Variants in KIF20B observed in about 807,000 individuals in gnomAD.
KIF20B encodes kinesin family member 20B.
In KIF20B, 188 loss-of-function variants were observed where a neutral mutation model predicts 232.5. The observed-to-expected ratio is 0.81, with a 90% CI of 0.72 to 0.91. The LOEUF is 0.91. Among genes scored for constraint, KIF20B ranks in the 40% least tolerant of loss-of-function variants. KIF20B has a pLI of 0.00. For missense variants in KIF20B, 2,154 were observed against 2,055.9 expected (o/e 1.05, Z -0.92); for synonymous variants, 712 against 683.0 (o/e 1.04, Z -0.66).
chr10:89,728,062 C>G (rs947241070), intron 17 of KIF20B, among the ~76,000 whole-genome samples, 166 bp downstream of exon 17: 11 of 151,990 alleles, frequency 7.2e-5, no homozygotes, highest in African/African-American at 2.7e-4. Context: ...TCTTCTTTGG[C>G]TTGAGTCTTC....
At chr10:89,716,144 CTT>C (rs912980494) in intron 8 of KIF20B, among the ~76,000 whole-genome samples, 12 of 152,250 alleles carry the variant, frequency 7.9e-5, no homozygotes, top group Middle Eastern at 3.4e-3. Flanking sequence ...CTTTGCCACT[CTT>C]TTTTTCCCTG....
chr10:89,739,812 A>G (rs1841754326), intron 21 of KIF20B, among the ~76,000 whole-genome samples: 1 of 152,144 alleles, frequency 6.6e-6, no homozygotes, highest in African/African-American at 2.4e-5. Context: ...AATATAATTT[A>G]ACCATATTTT....
At position 89,748,003 on chromosome 10, in the gene KIF20B, T is replaced by C. The variant is rs184063675; in HGVS notation, c.4096+2044T>C. Among the ~76,000 whole-genome samples the C allele has an allele frequency of 4.7e-4, 72 of 152,346 alleles. No individual in the cohort carries two copies. The South Asian group carries it at 7.5e-3, about 16-fold the overall frequency. ...TTGTATTGATTTGTTGTTTGAAATA[T>C]TACAAAATTACTTTTTTCTTTTTGA... On this transcript the variant is annotated intron_variant, in intron 23 of 32. Transcript: ENST00000371728.
intron 13 of KIF20B, among the ~76,000 whole-genome samples, chr10:89,722,417 C>T (rs1276475190): frequency 2.0e-5 from 3 of 152,164 alleles, no homozygotes; most frequent in African/African-American, 7.2e-5. Context: ...TGCCTGTAAT[C>T]CCAGCACTTT....
At chr10:89,714,144 C>G in intron 7 of KIF20B, 61 bp downstream of exon 7, 1 of 968,814 alleles carries the variant, frequency 1.0e-6, no homozygotes, top group Non-Finnish European at 1.5e-6. Flanking sequence ...ACTTGAAAAG[C>G]TTTTAATTTT....
chr10:89,713,784 A>G (rs1475655806), intron 6 of KIF20B, among the ~76,000 whole-genome samples: 1 of 152,178 alleles, frequency 6.6e-6, no homozygotes, highest in Admixed American at 6.5e-5. Context: ...TGTGGGGAAA[A>G]GAATAGAAGG....
intron 19 of KIF20B, among the ~76,000 whole-genome samples, chr10:89,735,614 T>G (rs1259820003): frequency 6.9e-6 from 1 of 145,550 alleles, no homozygotes; most frequent in Non-Finnish European, 1.5e-5. Context: ...CTTGGCTCAC[T>G]GTAACCTCCG....
Position 89,705,356 on chromosome 10 carries a change from C to G in KIF20B, c.62C>G (p.Pro21Arg). 1.2e-6 allele frequency: 2 copies of G among 1,613,844 alleles called. No individual in the cohort carries two copies. The highest frequency in any genetic ancestry group is 1.7e-6 in the Non-Finnish European group (2 of 1,179,806). ...PRPSYVFSAD[P>R]IARPSEINFD... ...CCATCTTATGTTTTTAGTGCTGACC[C>G]AATTGCAAGGCCTTCAGAAATAAAT... Residue 21 changes from proline to arginine, a missense_variant, in exon 2 of 33, where the codon CCA (proline) becomes CGA (arginine). Transcript: ENST00000371728.
intron 19 of KIF20B, among the ~76,000 whole-genome samples, chr10:89,736,083 C>T (rs1334484093): frequency 2.6e-5 from 4 of 152,144 alleles, no homozygotes; most frequent in East Asian, 3.9e-4. Context: ...AGAGCAAAGT[C>T]GTGTAGAAAA....
Position 89,737,516 on chromosome 10 carries a change from T to C in KIF20B, c.2675T>C (p.Leu892Pro). 1 of 1,609,768 alleles carries C rather than the reference T, an allele frequency of 6.2e-7. No homozygotes were observed. Among genetic ancestry groups the C allele is most frequent in the Non-Finnish European group, 8.5e-7 (1 of 1,177,492 alleles). ...ENNEGLRAFLLTIENELKNEK... is the reference protein window; with the variant it reads ...ENNEGLRAFLPTIENELKNEK... ...AATGAAGGACTGAGAGCATTTTTAC[T>C]CACTATTGAGAATGAACTTAAAAAT... Residue 892 changes from leucine (L) to proline (P), a missense_variant, in exon 20 of 33, where the codon CTC becomes CCC. By Grantham distance (98) the Leu-to-Pro change is moderately conservative (BLOSUM62 -3). Coordinates refer to ENST00000371728, the MANE Select transcript of KIF20B (RefSeq NM_001284259.2).
In KIF20B at chr10:89,717,627, T is replaced by A; in HGVS notation, c.1176T>A (p.Asn392Lys). The A allele has an allele frequency of 6.2e-7, 1 of 1,611,910 alleles. No homozygotes were observed. The highest frequency in any genetic ancestry group is 1.3e-5 in the African/African-American group (1 of 74,982). Reference sequence around the variant, plus strand: ...CAGAACGAACTATGAAGACACAGAATGAAGGTGAAAGGTTAAGAGAGACTG... The same window carrying A: ...CAGAACGAACTATGAAGACACAGAAAGAAGGTGAAAGGTTAAGAGAGACTG... ...AGSERTMKTQ[N>K]EGERLRETGN... is the part of the protein sequence containing the mutation. The change falls in exon 11 of 33, where the codon AAT becomes AAA. Residue 392 changes from asparagine (N) to lysine (K), a missense_variant. Transcript: ENST00000371728.
chr10:89,759,283 A>G (rs1396661413), intron 27 of KIF20B, among the ~76,000 whole-genome samples: 2 of 152,058 alleles, frequency 1.3e-5, no homozygotes, highest in Non-Finnish European at 2.9e-5. Context: ...TAAAGATACA[A>G]ATTATTTTGA....
In KIF20B at chr10:89,762,740, C is replaced by T. The variant is rs1272716608; in HGVS notation, c.4894C>T (p.Pro1632Ser). 2 of 1,613,428 alleles carry T rather than the reference C, an allele frequency of 1.2e-6. No homozygotes were observed. Among genetic ancestry groups the T allele is most frequent in the Admixed American group, 3.3e-5 (2 of 59,890 alleles). The part of the protein sequence containing the change: ...ELEIQFTPLQ[P>S]NKMAVKHPGC... ...AGAGATTCAATTTACACCTTTACAG[C>T]CAAACAAAATGGCAGTGAAACACCC... Residue 1632 changes from proline to serine, a missense_variant, in exon 29 of 33, where the codon CCA (proline) becomes TCA (serine). Physicochemically the swap from Pro to Ser is moderately conservative, Grantham distance 74 (BLOSUM62 -1). Coordinates refer to ENST00000371728, the MANE Select transcript of KIF20B (RefSeq NM_001284259.2).
rs1841855119 is a variant in KIF20B, at chr10:89,743,791, T to C, written c.3916-17T>C. On this transcript the variant is annotated splice_polypyrimidine_tract_variant and intron_variant, in intron 21 of 32. Transcript: ENST00000371728. ...TTTTTAAAATATTCCATTTGTTTTATAAACATTATTTTGTAGGTATCTGTA... is the reference window on the plus strand; with the variant it reads ...TTTTTAAAATATTCCATTTGTTTTACAAACATTATTTTGTAGGTATCTGTA... 6 of 1,386,682 alleles carry C rather than the reference T, an allele frequency of 4.3e-6. No individual in the cohort carries two copies. Among genetic ancestry groups the C allele is most frequent in the East Asian group, 2.6e-5 (1 of 39,074 alleles). The allele number at this position is 1,386,682 out of a possible 1,614,324, so 85.9% of individuals were successfully genotyped here.
At chr10:89,732,185 G>A (rs550745384) in intron 18 of KIF20B, among the ~76,000 whole-genome samples, 12 of 151,560 alleles carry the variant, frequency 7.9e-5, no homozygotes, top group African/African-American at 2.4e-4. Context: ...GAAGTGCAGT[G>A]ATGTGACCAT....
At chr10:89,729,276 T>C in intron 18 of KIF20B, 29 bp downstream of exon 18, 1 of 1,428,622 alleles carries the variant, frequency 7.0e-7, no homozygotes, top group Non-Finnish European at 9.4e-7. Context: ...GTTATATTAA[T>C]AAATTAGATA....
rs1842522400 is a variant in KIF20B at position 89,774,102 on chromosome 10, G to T, written c.*54G>T. 2.8e-6 allele frequency: 3 copies of T among 1,089,050 alleles called. No individual in the cohort carries two copies. Among genetic ancestry groups the T allele is most frequent in the Non-Finnish European group, 1.3e-6 (1 of 741,762 alleles). 67.5% of individuals were successfully genotyped at this position (1,089,050 alleles called of 1,614,324 possible). On this transcript the variant is annotated 3_prime_UTR_variant, in exon 33 of 33. Transcript: ENST00000371728. ...TTTATAGTCATAGTCATTGGAACTTGCATCCTGTATTGTAAATATAAATGT... is the reference window on the plus strand; with the variant it reads ...TTTATAGTCATAGTCATTGGAACTTTCATCCTGTATTGTAAATATAAATGT...
chr10:89,710,023 A>G lies in KIF20B; in HGVS notation c.448A>G (p.Thr150Ala), dbSNP rs1168636776. Reference protein sequence around the residue: ...LLKGQSRLIFTYGLTNSGKTY... With the variant: ...LLKGQSRLIFAYGLTNSGKTY... ...GAAAGGACAGAGTCGTCTGATTTTT[A>G]CTTACGGGCTAACCAATTCAGGAAA... Residue 150 changes from threonine (T) to alanine (A), a missense_variant, in exon 5 of 33, where the codon ACT (threonine) becomes GCT (alanine). Physicochemically the swap from Thr to Ala is moderately conservative, Grantham distance 58. Transcript: ENST00000371728. 1 of 1,609,696 alleles carries G rather than the reference A, an allele frequency of 6.2e-7. No individual in the cohort carries two copies. The highest frequency in any genetic ancestry group is 8.5e-7 in the Non-Finnish European group (1 of 1,177,980).
At chr10:89,768,653 C>T in intron 30 of KIF20B, 85 bp from the exon 31 acceptor site, 1 of 1,272,586 alleles carries the variant, frequency 7.9e-7, no homozygotes. Flanking sequence ...TAACCTGTCT[C>T]TGGCCTCTTT....
Sources: gnomAD v4.1 joint callset for allele counts (sites outside exome capture counted in the v4.1 genomes callset) on GRCh38, gnomAD v4.1.1 for gene constraint, MANE v1.5 for transcripts, NCBI Gene and HGNC (gene_info 2026-07-23, HGNC 2026-07-21) for gene names.